TNS3: variants seen among roughly 807,000 people sequenced by gnomAD.
The protein encoded by TNS3 is tensin-3.
Under a neutral mutation model 140.9 loss-of-function variants are expected in TNS3, and 45 were observed. The ratio of observed to expected loss-of-function variants is 0.32; its 90% CI spans 0.25 to 0.41. The LOEUF (loss-of-function observed/expected upper bound fraction) is 0.41. Ranked by LOEUF, TNS3 falls within the 10% of genes least tolerant of loss-of-function variation. The probability of loss-of-function intolerance (pLI) is 1.00; values close to 1 mark genes in which losing one functional copy is unlikely to be tolerated. For synonymous variants in TNS3, 815 were observed against 788.4 expected, an observed-to-expected ratio of 1.03 and a Z score of -0.56; for missense variants, 1,716 against 1,906.7, an observed-to-expected ratio of 0.90 and a Z score of 1.86.
Position 47,303,610 on chromosome 7 carries a change from A to G in TNS3, c.2823-26T>C, listed in dbSNP as rs774065105. ...CTGTTCAAAAGACAAGCCGACCAAG[A>G]CAGCATGTAAGGTACAAAGAGACAC... On this transcript the variant is annotated intron_variant, in intron 21 of 30. Transcript: ENST00000311160. 6 of 1,558,964 alleles carry G rather than the reference A, an allele frequency of 3.8e-6. No individual in the cohort carries two copies. In the South Asian group the frequency reaches 7.0e-5, roughly 18 times the overall value.
intron 20 of TNS3, 133 bp from the exon 21 acceptor site, chr7:47,305,136 A>AC (rs1786670506): frequency 1.6e-6 from 1 of 616,874 alleles, no homozygotes; most frequent in African/African-American, 1.9e-5. Context: ...GCCATACTGA[A>AC]CATGACATCA....
At position 47,473,968 on chromosome 7, in the gene TNS3, C is replaced by T. The variant is rs549744033; in HGVS notation, c.-76+7135G>A. ...GCTTCATGAGACTCCATCACGGTCA[C>T]TGGGGCAGAGGCAGGGATGGCAGCA... On this transcript the variant is annotated intron_variant, in intron 4 of 30. Coordinates refer to ENST00000311160, the MANE Select transcript of TNS3 (RefSeq NM_022748.12). 2.0e-4 allele frequency among the ~76,000 whole-genome samples: 31 copies of T among 152,294 alleles called. No homozygotes were observed. In the Middle Eastern group the frequency reaches 0.01, roughly 50 times the overall value.
intron 16 of TNS3, among the ~76,000 whole-genome samples, chr7:47,384,021 T>C (rs1277382125): frequency 6.6e-6 from 1 of 152,236 alleles, no homozygotes; most frequent in Non-Finnish European, 1.5e-5. Flanking sequence ...TAGAAAGTTC[T>C]GATTTGAAAA....
chr7:47,568,511 G>A (rs1408300787), intron 1 of TNS3, among the ~76,000 whole-genome samples: 1 of 152,216 alleles, frequency 6.6e-6, no homozygotes, highest in East Asian at 1.9e-4. Context: ...CTGAACATGA[G>A]CTGCATGAAA....
intron 1 of TNS3, among the ~76,000 whole-genome samples, chr7:47,553,380 A>G (rs1800112127): frequency 2.6e-5 from 4 of 152,386 alleles, no homozygotes; most frequent in Admixed American, 1.3e-4. Flanking sequence ...GCTTCGAAGC[A>G]CAGGCTAACT....
chr7:47,510,183 AG>A (rs755477415), intron 2 of TNS3, among the ~76,000 whole-genome samples: 1 of 152,222 alleles, frequency 6.6e-6, no homozygotes, highest in Non-Finnish European at 1.5e-5. Context: ...GCCCATAGCC[AG>A]CAGGCCCACA....
At chr7:47,374,460 C>T (rs1791260692) in intron 16 of TNS3, among the ~76,000 whole-genome samples, 1 of 152,202 alleles carries the variant, frequency 6.6e-6, no homozygotes, top group African/African-American at 2.4e-5. Context: ...TATGAAACTG[C>T]TACCTCTACA....
chr7:47,382,714 A>G (rs991162961), intron 16 of TNS3, among the ~76,000 whole-genome samples: 3 of 149,308 alleles, frequency 2.0e-5, no homozygotes, highest in African/African-American at 7.5e-5. Flanking sequence ...GTACATACTC[A>G]AATCCTGCAG....
intron 1 of TNS3, among the ~76,000 whole-genome samples, chr7:47,538,008 C>T (rs1383902902): frequency 7.3e-6 from 1 of 136,916 alleles, no homozygotes; most frequent in Non-Finnish European, 1.5e-5. Flanking sequence ...CAAATCAGGA[C>T]AATTCACAGC....
In TNS3 at chr7:47,499,901, C is replaced by T. The variant is rs567909692; in HGVS notation, c.-115+7006G>A. On this transcript the variant is annotated intron_variant, in intron 3 of 30. Transcript: ENST00000311160. ...TTCTAACAAATGTGCTGTTCTGGTG[C>T]GGCGATGCTGACGGCAGGAGAGTGT... Among the ~76,000 whole-genome samples the T allele has an allele frequency of 2.0e-5, 3 of 152,162 alleles. No individual in the cohort carries two copies. In the East Asian group the frequency reaches 5.8e-4, roughly 29 times the overall value.
chr7:47,409,596 G>T (rs1183254605), intron 13 of TNS3, among the ~76,000 whole-genome samples: 1 of 152,070 alleles, frequency 6.6e-6, no homozygotes, highest in Non-Finnish European at 1.5e-5. Flanking sequence ...AGAACACTAC[G>T]CAAACAAGAT....
intron 20 of TNS3, among the ~76,000 whole-genome samples, chr7:47,326,347 C>T (rs1788023152): frequency 6.6e-6 from 1 of 152,160 alleles, no homozygotes; most frequent in African/African-American, 2.4e-5. Context: ...ATCTGTTGGA[C>T]TCAGAAAACT....
chr7:47,370,696 G>A (rs1165241416), intron 16 of TNS3, among the ~76,000 whole-genome samples: 2 of 152,186 alleles, frequency 1.3e-5, no homozygotes, highest in Non-Finnish European at 2.9e-5. Flanking sequence ...TGGGCCTCCC[G>A]CACTTTCTTC....
At chr7:47,415,381 C>T (rs1794023826) in intron 10 of TNS3, among the ~76,000 whole-genome samples, 175 bp from the exon 11 acceptor site, 1 of 152,164 alleles carries the variant, frequency 6.6e-6, no homozygotes, top group South Asian at 2.1e-4. Flanking sequence ...TGAGGGCTTC[C>T]CACCAGCGCA....
chr7:47,316,167 T>A (rs1272613862), intron 20 of TNS3, among the ~76,000 whole-genome samples: 1 of 144,532 alleles, frequency 6.9e-6, no homozygotes, highest in Non-Finnish European at 1.5e-5. Flanking sequence ...TCCCTCCTAG[T>A]CACATCCCGG....
chr7:47,311,455 G>T (rs144153751), intron 20 of TNS3, among the ~76,000 whole-genome samples: 5,506 of 150,766 alleles, frequency 0.037, 260 homozygotes, highest in African/African-American at 0.11. Flanking sequence ...TATATATATA[G>T]AGAGAGAGAG....
At chr7:47,280,253 A>T (rs1785070281) in intron 29 of TNS3, 33 bp downstream of exon 29, 1 of 1,613,826 alleles carries the variant, frequency 6.2e-7, no homozygotes, top group East Asian at 2.2e-5. Flanking sequence ...AATTAAGTAC[A>T]CTCCTTGCTC....
At chr7:47,297,822 C>G (rs1168255291) in intron 23 of TNS3, among the ~76,000 whole-genome samples, 358 of 145,650 alleles carry the variant, frequency 2.5e-3, no homozygotes, top group African/African-American at 9.0e-3. Context: ...GAGTCTCGCT[C>G]TGTTGCCCAG....
chr7:47,386,039 T>C (rs1054782108), intron 16 of TNS3, among the ~76,000 whole-genome samples: 4 of 152,262 alleles, frequency 2.6e-5, no homozygotes, highest in African/African-American at 4.8e-5. Context: ...ATTTTCATAG[T>C]ATAATTTCCC....
Sources: gnomAD v4.1 joint callset for allele counts (sites outside exome capture counted in the v4.1 genomes callset) on GRCh38, gnomAD v4.1.1 for gene constraint, MANE v1.5 for transcripts, NCBI Gene and HGNC (gene_info 2026-07-23, HGNC 2026-07-21) for gene names.